The following INTS6 variants were observed in gnomAD, a reference collection of about 807,000 sequenced individuals.
The protein encoded by INTS6 is DEAD box protein.
Under a neutral mutation model 104.9 loss-of-function variants are expected in INTS6, and 16 were observed. The ratio of observed to expected loss-of-function variants is 0.15; its 90% CI spans 0.10 to 0.23. The LOEUF is 0.23. INTS6 is among the 10% of genes least tolerant of loss of function. The pLI, the probability that INTS6 is intolerant of heterozygous loss-of-function variation, is 1.00. For missense variants in INTS6, 584 were observed against 1,062.8 expected (o/e 0.55, Z 6.26); for synonymous variants, 324 against 358.7 (o/e 0.90, Z 1.09).
chr13:51,395,187 CTAA>C (rs1956313222), intron 5 of INTS6, 110 bp downstream of exon 5: 1 of 1,032,336 alleles, frequency 9.7e-7, no homozygotes, highest in Admixed American at 2.5e-5. Flanking sequence ...TGCCTAATTC[CTAA>C]TATTAACTTG....
In INTS6 at chr13:51,386,179, C is replaced by CTAT. The variant is rs558928923; in HGVS notation, c.894+1204_894+1206dup. On this transcript the variant is annotated intron_variant, in intron 7 of 17. Coordinates refer to ENST00000311234, the MANE Select transcript of INTS6 (RefSeq NM_012141.3). ...CTCCAATTGAAGTCCTACCTACCCTCTATGGCTTCTAAGAATTTGTGATAG... is the reference window on the plus strand; with the variant it reads ...CTCCAATTGAAGTCCTACCTACCCTCTATTATGGCTTCTAAGAATTTGTGATAG... Among the ~76,000 whole-genome samples, 417 of 152,206 alleles carry CTAT rather than the reference C, an allele frequency of 2.7e-3. 2 individuals are homozygous for CTAT. Among genetic ancestry groups the CTAT allele is most frequent in the African/African-American group, 9.2e-3 (384 of 41,526 alleles).
the INTS6 span, among the ~76,000 whole-genome samples, chr13:51,345,974 G>A: frequency 6.6e-6 from 1 of 152,172 alleles, no homozygotes; most frequent in Non-Finnish European, 1.5e-5. Context: ...AATCCACATT[G>A]CATTGGGTAA....
downstream of INTS6, among the ~76,000 whole-genome samples, chr13:51,353,412 G>A (rs942666307): frequency 1.3e-5 from 2 of 152,116 alleles, no homozygotes; most frequent in Non-Finnish European, 2.9e-5. Flanking sequence ...CTACAAACAC[G>A]CATTACAATT....
chr13:51,385,784 TTC>T (rs1956131930), intron 7 of INTS6, among the ~76,000 whole-genome samples: 1 of 152,190 alleles, frequency 6.6e-6, no homozygotes, highest in Non-Finnish European at 1.5e-5. Context: ...TTATTTATTA[TTC>T]TCTCTTCCAT....
chr13:51,399,198 G>C (rs1956391725), intron 4 of INTS6, among the ~76,000 whole-genome samples: 1 of 150,144 alleles, frequency 6.7e-6, no homozygotes, highest in African/African-American at 2.4e-5. Context: ...TTGTTTATCT[G>C]TATATCATAA....
chr13:51,392,041 C>T (rs1356382100), intron 5 of INTS6, among the ~76,000 whole-genome samples: 2 of 152,174 alleles, frequency 1.3e-5, no homozygotes, highest in Non-Finnish European at 2.9e-5. Flanking sequence ...TTATTGTCCT[C>T]ATCCTTGGTT....
intron 3 of INTS6, chr13:51,438,179 G>A (rs1952727947): frequency 6.6e-6 from 1 of 152,120 alleles, no homozygotes; most frequent in African/African-American, 2.4e-5. Flanking sequence ...CACAGTACAT[G>A]TACAGGAGTA....
At chr13:51,436,461 T>C (rs1364744933) in intron 3 of INTS6, 1 of 152,150 alleles carries the variant, frequency 6.6e-6, no homozygotes, top group Non-Finnish European at 1.5e-5. Context: ...CGTAATTCCT[T>C]ATGTTAAAAA....
At chr13:51,449,184 C>A (rs1952984171) in intron 3 of INTS6, 1 of 152,162 alleles carries the variant, frequency 6.6e-6, no homozygotes, top group Admixed American at 6.5e-5. Context: ...AAGACATAAG[C>A]ATTAATATTA....
chr13:51,375,406 C>T (rs1336582049), intron 13 of INTS6, among the ~76,000 whole-genome samples: 1 of 149,298 alleles, frequency 6.7e-6, no homozygotes, highest in Non-Finnish European at 1.5e-5. Flanking sequence ...TATCTCTTCT[C>T]TTCTGCGCTA....
chr13:51,435,822 T>C (rs1957176532), intron 3 of INTS6, among the ~76,000 whole-genome samples: 1 of 152,052 alleles, frequency 6.6e-6, no homozygotes, highest in Non-Finnish European at 1.5e-5. Flanking sequence ...ATTAATACTG[T>C]TAATTTTTTT....
chr13:51,436,617 C>T (rs1566248471), intron 3 of INTS6: 1 of 151,834 alleles, frequency 6.6e-6, no homozygotes, highest in African/African-American at 2.4e-5. Context: ...TGTAAGAAAT[C>T]GTAAGTCACC....
At chr13:51,406,239 CTG>C (rs1956562003) in intron 4 of INTS6, among the ~76,000 whole-genome samples, 1 of 152,104 alleles carries the variant, frequency 6.6e-6, no homozygotes, top group South Asian at 2.1e-4. Flanking sequence ...ATAATAAAAA[CTG>C]TATTTTGAGC....
downstream of INTS6, among the ~76,000 whole-genome samples, chr13:51,358,900 G>A (rs1426991153): frequency 6.6e-6 from 1 of 152,036 alleles, no homozygotes; most frequent in East Asian, 1.9e-4. Context: ...TGCTAATCCT[G>A]TAAATCTGGG....
At chr13:51,357,781 T>C (rs1955503394), downstream of INTS6, among the ~76,000 whole-genome samples, 1 of 152,096 alleles carries the variant, frequency 6.6e-6, no homozygotes, top group South Asian at 2.1e-4. Flanking sequence ...CCACTGGCTT[T>C]AGGATCAGCA....
intron 4 of INTS6, among the ~76,000 whole-genome samples, chr13:51,413,019 G>C (rs982318343): frequency 1.3e-5 from 2 of 152,078 alleles, no homozygotes; most frequent in African/African-American, 2.4e-5. Context: ...ATTTTATTCA[G>C]GGTCTGAACA....
chr13:51,379,718 A>G, intron 10 of INTS6, 146 bp from the exon 11 acceptor site: 1 of 447,592 alleles, frequency 2.2e-6, no homozygotes, highest in Middle Eastern at 5.4e-4. Context: ...TTTATGTTTC[A>G]GTAAAATGTT....
downstream of INTS6, chr13:51,361,199 C>G (rs189213144): frequency 5.9e-5 from 55 of 930,514 alleles, no homozygotes; most frequent in African/African-American, 7.9e-4. Context: ...TTTGTAAGTA[C>G]ATTTTTAAAG....
rs1952998171 is a variant in INTS6 at position 51,449,864 on chromosome 13, A to AGG, written c.339+1160_339+1161insCC. Reference sequence around the variant, plus strand: ...GTATTAATGTGGTAAGAAAGTACATATTTACCTAACTAAACGTTGGAAGTT... The same window carrying AGG: ...GTATTAATGTGGTAAGAAAGTACATAGGTTTACCTAACTAAACGTTGGAAGTT... On this transcript the variant is annotated intron_variant, in intron 3 of 17. Transcript: ENST00000311234. 1.2e-5 allele frequency: 12 copies of AGG among 985,274 alleles called. No individual in the cohort carries two copies. In the South Asian group the frequency reaches 5.2e-4, roughly 42 times the overall value. 61.0% of individuals were successfully genotyped at this position (985,274 alleles called of 1,614,324 possible).
Sources: allele counts gnomAD v4.1 joint callset (sites outside exome capture counted in the v4.1 genomes callset), GRCh38; gene constraint gnomAD v4.1.1; transcripts MANE v1.5; gene names NCBI Gene and HGNC (gene_info 2026-07-23, HGNC 2026-07-21).